ZNRF2: variants seen among roughly 807,000 people sequenced by gnomAD.
ZNRF2 encodes the protein E3 ubiquitin-protein ligase ZNRF2.
Under a neutral mutation model 20.4 loss-of-function variants are expected in ZNRF2, and 16 were observed. The ratio of observed to expected loss-of-function variants is 0.79; its 90% CI spans 0.53 to 1.19. The LOEUF (loss-of-function observed/expected upper bound fraction) is 1.19, where lower values mean the gene tolerates loss of function less well. ZNRF2 is among the 50% of genes most tolerant of loss of function. The pLI is 0.00. For missense variants in ZNRF2, 363 were observed against 332.4 expected, an observed-to-expected ratio of 1.09 and a Z score of -0.72; for synonymous variants, 178 against 144.9, an observed-to-expected ratio of 1.23 and a Z score of -1.64.
chr7:30,343,824 T>G (rs1799835214), intron 2 of ZNRF2, among the ~76,000 whole-genome samples: 1 of 152,060 alleles, frequency 6.6e-6, no homozygotes, highest in East Asian at 1.9e-4. Context: ...TTTAGCCCAT[T>G]TATATTTCTT....
At chr7:30,343,728 A>G (rs1347484319) in intron 2 of ZNRF2, among the ~76,000 whole-genome samples, 1 of 145,400 alleles carries the variant, frequency 6.9e-6, no homozygotes, top group Non-Finnish European at 1.5e-5. Flanking sequence ...TTTGTTTCTT[A>G]TATGCTTTTT....
chr7:30,302,721 G>T (rs904309504), intron 1 of ZNRF2, among the ~76,000 whole-genome samples: 1 of 152,056 alleles, frequency 6.6e-6, no homozygotes, highest in Admixed American at 6.5e-5. Flanking sequence ...AAACAGAAAA[G>T]AACTGGTGGC....
At chr7:30,340,370 T>C (rs1799775868) in intron 2 of ZNRF2, among the ~76,000 whole-genome samples, 1 of 152,230 alleles carries the variant, frequency 6.6e-6, no homozygotes, top group African/African-American at 2.4e-5. Flanking sequence ...TTCATTATGA[T>C]ATTAGCTGTG....
At chr7:30,313,525 C>T (rs919546657) in intron 1 of ZNRF2, among the ~76,000 whole-genome samples, 1 of 152,096 alleles carries the variant, frequency 6.6e-6, no homozygotes, top group African/African-American at 2.4e-5. Context: ...CCCTCCCTGC[C>T]TTTCTACTGA....
At chr7:30,306,032 T>TA (rs1370306324) in intron 1 of ZNRF2, among the ~76,000 whole-genome samples, 1 of 152,162 alleles carries the variant, frequency 6.6e-6, no homozygotes, top group Non-Finnish European at 1.5e-5. Flanking sequence ...CTAAACTCTC[T>TA]AAGCCGCTCT....
At chr7:30,318,954 A>G (rs1309040358) in intron 1 of ZNRF2, among the ~76,000 whole-genome samples, 1 of 152,048 alleles carries the variant, frequency 6.6e-6, no homozygotes, top group African/African-American at 2.4e-5. Flanking sequence ...TCTACTAAAA[A>G]TACAAAAATT....
At chr7:30,350,318 A>T (rs1409564855) in intron 2 of ZNRF2, among the ~76,000 whole-genome samples, 2 of 152,044 alleles carry the variant, frequency 1.3e-5, no homozygotes, top group Non-Finnish European at 2.9e-5. Context: ...AACAAATTTT[A>T]TTTCCTCCTA....
intron 1 of ZNRF2, among the ~76,000 whole-genome samples, chr7:30,301,894 C>CA (rs1345812642): frequency 6.6e-6 from 1 of 152,118 alleles, no homozygotes; most frequent in Non-Finnish European, 1.5e-5. Context: ...GAGACGTGGA[C>CA]AGGAGCATGC....
chr7:30,355,791 A>T lies in ZNRF2; in HGVS notation c.629A>T (p.Asp210Val). The T allele has an allele frequency of 6.2e-7, 1 of 1,613,648 alleles. No homozygotes were observed. The highest frequency in any genetic ancestry group is 8.5e-7 in the Non-Finnish European group (1 of 1,179,752). ...TGCCTTGAAGAATTGCAGCAGGGAG[A>T]TACTATAGCACGACTGCCTTGTCTA... The part of the protein sequence containing the change: ...AICLEELQQG[D>V]TIARLPCLCI... The change falls in exon 3 of 5, where the codon GAT (aspartate) becomes GTT (valine). Residue 210 changes from aspartate to valine, a missense_variant. Physicochemically the swap from Asp to Val is radical, Grantham distance 152 (BLOSUM62 -3). Around this residue, in one of 2 missense-constraint regions of ZNRF2, gnomAD observed 61 missense variants for 100.9 expected, o/e 0.60. Transcript: ENST00000323037.
intron 1 of ZNRF2, among the ~76,000 whole-genome samples, chr7:30,310,944 A>C (rs1409993654): frequency 2.0e-5 from 3 of 152,182 alleles, no homozygotes; most frequent in African/African-American, 7.2e-5. Flanking sequence ...TTTGGGGTTG[A>C]AAGAAGGTTG....
Position 30,362,368 on chromosome 7 carries a change from C to G in ZNRF2, c.672-9C>G. On this transcript the variant is annotated splice_polypyrimidine_tract_variant and intron_variant, in intron 3 of 4. Coordinates refer to ENST00000323037, the MANE Select transcript of ZNRF2 (RefSeq NM_147128.4). ...GTATCTCAATTTTTCTGGTTTTGTTCCTTTCTAGCTGCATAGATGAATGGT... is the reference window on the plus strand; with the variant it reads ...GTATCTCAATTTTTCTGGTTTTGTTGCTTTCTAGCTGCATAGATGAATGGT... The G allele has an allele frequency of 6.4e-7, 1 of 1,562,382 alleles. No homozygotes were observed. The highest frequency in any genetic ancestry group is 8.7e-7 in the Non-Finnish European group (1 of 1,147,880).
Position 30,285,441 on chromosome 7 carries a change from C to A in ZNRF2, c.84C>A (p.Ser28Arg). Residue 28 changes from serine to arginine, a missense_variant, in exon 1 of 5, where the codon AGC becomes AGA. Transcript: ENST00000323037. ...GCTCGGATCTACCTTCCAGTAGCAG[C>A]GGAGGCGCCAATGGGACCGCGGGCG... ...YSGSDLPSSS[S>R]GGANGTAGGG... The A allele has an allele frequency of 1.7e-6, 2 of 1,185,924 alleles. No homozygotes were observed. Among genetic ancestry groups the A allele is most frequent in the Non-Finnish European group, 2.1e-6 (2 of 950,508 alleles). The allele number at this position is 1,185,924 out of a possible 1,614,324, so 73.5% of individuals were successfully genotyped here.
At chr7:30,300,239 C>T (rs1253464790) in intron 1 of ZNRF2, among the ~76,000 whole-genome samples, 2 of 149,346 alleles carry the variant, frequency 1.3e-5, no homozygotes, top group African/African-American at 2.5e-5. Context: ...ACCTCTGTCT[C>T]GTGGGTTCAA....
At chr7:30,313,051 A>G (rs1314568257) in intron 1 of ZNRF2, among the ~76,000 whole-genome samples, 2 of 152,206 alleles carry the variant, frequency 1.3e-5, no homozygotes, top group African/African-American at 4.8e-5. Context: ...AGTAGAAGCC[A>G]TGTGAGCTGT....
At chr7:30,301,741 T>C (rs1053253115) in intron 1 of ZNRF2, among the ~76,000 whole-genome samples, 2 of 150,894 alleles carry the variant, frequency 1.3e-5, no homozygotes, top group Non-Finnish European at 3.0e-5. Flanking sequence ...TTGTCTTAGA[T>C]TTGAATATAC....
At chr7:30,362,277 C>T in intron 3 of ZNRF2, 100 bp from the exon 4 acceptor site, 1 of 705,204 alleles carries the variant, frequency 1.4e-6, no homozygotes, top group Non-Finnish European at 2.2e-6. Context: ...TCATTTTTTT[C>T]TGTAAAAAAT....
At chr7:30,330,933 G>A (rs988644195) in intron 2 of ZNRF2, among the ~76,000 whole-genome samples, 16 of 152,132 alleles carry the variant, frequency 1.1e-4, no homozygotes, top group African/African-American at 3.9e-4. Context: ...CTGTGGTTGA[G>A]TTTTAACTTA....
intron 1 of ZNRF2, among the ~76,000 whole-genome samples, chr7:30,311,055 C>T (rs543277802): frequency 2.6e-5 from 4 of 152,290 alleles, no homozygotes; most frequent in African/African-American, 9.6e-5. Flanking sequence ...CCTGCCACCC[C>T]TTGACTGTGT....
intron 4 of ZNRF2, among the ~76,000 whole-genome samples, chr7:30,362,935 GGTGA>G (rs925049009): frequency 7.2e-5 from 11 of 152,062 alleles, no homozygotes; most frequent in African/African-American, 2.7e-4. Context: ...TGGCTAACAC[GGTGA>G]AACCCCGTCT....
Sources: gnomAD v4.1 joint callset for allele counts (sites outside exome capture counted in the v4.1 genomes callset) on GRCh38, gnomAD v4.1.1 for gene constraint, gnomAD v4.1.1 regional missense constraint, MANE v1.5 for transcripts, NCBI Gene and HGNC (gene_info 2026-07-23, HGNC 2026-07-21) for gene names.